The following ZAR1 variants were observed in gnomAD, a reference collection of about 807,000 sequenced individuals.
ZAR1 encodes the protein zygote arrest protein 1.
In ZAR1, 37 loss-of-function variants were observed where a neutral mutation model predicts 38.3. The ratio of observed to expected loss-of-function variants is 0.97; its 90% CI spans 0.74 to 1.27. ZAR1 has a LOEUF of 1.27. Ranked by LOEUF, ZAR1 falls within the 50% of genes most tolerant of loss-of-function variation. The pLI is 0.00. For synonymous variants in ZAR1, 336 were observed against 292.0 expected (o/e 1.15, Z -1.53); for missense variants, 651 against 632.4 (o/e 1.03, Z -0.32).
Position 48,490,470 on chromosome 4 carries a change from C to A in ZAR1, c.179C>A (p.Ser60Ter). The A allele has an allele frequency of 6.8e-7, 1 of 1,469,398 alleles. No individual in the cohort carries two copies. The highest frequency in any genetic ancestry group is 8.9e-7 in the Non-Finnish European group (1 of 1,119,490). The allele number at this position is 1,469,398 out of a possible 1,614,324, so 91.0% of individuals were successfully genotyped here. The change falls in exon 1 of 4, where the codon TCG becomes TAG. Residue 60 changes from serine to a stop codon, truncating the protein, a stop_gained. Transcript: ENST00000327939. LOFTEE classifies it high-confidence loss of function. ...ASSPCSAGAA[S>*]LSFPGCGRLT... ...TCCCCCTGCTCGGCGGGCGCGGCCT[C>A]GTTGTCCTTCCCGGGCTGCGGGCGG...
Position 48,494,136 on chromosome 4 carries a change from A to G in ZAR1, c.1167A>G (p.Lys389=), listed in dbSNP as rs1718520608. 3.7e-6 allele frequency: 6 copies of G among 1,614,072 alleles called. No individual in the cohort carries two copies. Among genetic ancestry groups the G allele is most frequent in the Non-Finnish European group, 5.1e-6 (6 of 1,179,956 alleles). Residue 389 remains lysine (K), a synonymous_variant, in exon 4 of 4, where the codon AAA becomes AAG. Coordinates refer to ENST00000327939, the MANE Select transcript of ZAR1 (RefSeq NM_175619.3). ...AAACGAGATGTTCCTGCCCAGTAAA[A>G]CTTCGCCACGTGGACCCTAAACGGC... ...CKQTRCSCPV[K]LRHVDPKRPH...
rs1268381673 is a variant in ZAR1 at position 48,492,808 on chromosome 4, A to G, written c.1006A>G (p.Asn336Asp). The G allele has an allele frequency of 1.2e-6, 2 of 1,614,112 alleles. No homozygotes were observed. The highest frequency in any genetic ancestry group is 1.7e-6 in the Non-Finnish European group (2 of 1,180,048). Residue 336 changes from asparagine to aspartate, a missense_variant, in exon 2 of 4, where the codon AAC becomes GAC. This residue lies in a region of ZAR1 where 129 missense variants were observed against 172.5 expected (regional missense o/e 0.75). Coordinates refer to ENST00000327939, the MANE Select transcript of ZAR1 (RefSeq NM_175619.3). ...TGGCTATTACCACTGCAAGGACTGC[A>G]ACATCCGCTGGGAGAGTGCTTATGT... ...KYGYYHCKDCNIRWESAYVWC... is the reference protein window; with the variant it reads ...KYGYYHCKDCDIRWESAYVWC...
In ZAR1 at chr4:48,490,882, C is replaced by A; in HGVS notation, c.591C>A (p.Pro197=). 3 of 1,411,342 alleles carry A rather than the reference C, an allele frequency of 2.1e-6. No homozygotes were observed. Among genetic ancestry groups the A allele is most frequent in the South Asian group, 1.5e-5 (1 of 67,176 alleles). The allele number at this position is 1,411,342 out of a possible 1,614,324, so 87.4% of individuals were successfully genotyped here. The stretch of plus-strand genomic sequence containing the variant: ...GTCTCACCGCCTTCCTGGAGGGGCC[C>A]GGGCCCGCGGCGGGCGAGCAGAGGT... ...LRRLTAFLEG[P]GPAAGEQRSG... The change falls in exon 1 of 4, where the codon CCC becomes CCA. Residue 197 remains proline (P), a synonymous_variant. Coordinates refer to ENST00000327939, the MANE Select transcript of ZAR1 (RefSeq NM_175619.3).
In ZAR1 at chr4:48,494,201, GC is replaced by G; in HGVS notation, c.1234del (p.Leu412CysfsTer15). The G allele has an allele frequency of 6.2e-7, 1 of 1,614,178 alleles. No homozygotes were observed. The highest frequency in any genetic ancestry group is 8.5e-7 in the Non-Finnish European group (1 of 1,180,042). On this transcript the variant is annotated frameshift_variant, in exon 4 of 4. Coordinates refer to ENST00000327939, the MANE Select transcript of ZAR1 (RefSeq NM_175619.3). LOFTEE classifies it high-confidence loss of function. ...QDLCGRCKGKRLSCDSTFSFK... is the reference protein window; with the variant it reads ...QDLCGRCKGKXLSCDSTFSFK... ...TTGTGCGGTAGATGCAAAGGCAAAC[GC>G]CTGTCCTGTGACAGCACTTTCAGCT...
chr4:48,496,249 G>A (rs1452033030), downstream of ZAR1, among the ~76,000 whole-genome samples: 1 of 152,204 alleles, frequency 6.6e-6, no homozygotes, highest in Non-Finnish European at 1.5e-5. Flanking sequence ...ACAAGAACTG[G>A]TGTGGGTAAA....
chr4:48,493,989 C>CTT, intron 3 of ZAR1, 112 bp from the exon 4 acceptor site: 1 of 1,324,234 alleles, frequency 7.6e-7, no homozygotes, highest in South Asian at 1.5e-5. Context: ...ACTATGGGAC[C>CTT]TTGCTTAGAG....
downstream of ZAR1, chr4:48,494,436 C>T (rs576012802): frequency 2.0e-5 from 14 of 713,810 alleles, no homozygotes; most frequent in South Asian, 5.9e-5. Context: ...GTTTCAAGAG[C>T]GCTTGTCTTG....
At chr4:48,491,301 T>G (rs1577772414) in intron 1 of ZAR1, 47 bp downstream of exon 1, 1 of 1,213,506 alleles carries the variant, frequency 8.2e-7, no homozygotes, top group Non-Finnish European at 1.0e-6. Flanking sequence ...GGGGTGCGGG[T>G]GTCTTCCTTG....
At chr4:48,491,338 A>T (rs1718436998) in intron 1 of ZAR1, 84 bp downstream of exon 1, 1 of 1,074,936 alleles carries the variant, frequency 9.3e-7, no homozygotes, top group Non-Finnish European at 1.2e-6. Flanking sequence ...TGCTTCGGGC[A>T]CTCGGAGGTG....
chr4:48,492,529 C>A (rs9993088), intron 1 of ZAR1, among the ~76,000 whole-genome samples: 48,845 of 152,052 alleles, frequency 0.32, 8,319 homozygotes, highest in African/African-American at 0.43. Context: ...TATTAGCCAG[C>A]CTTATGAACT....
chr4:48,491,188 G>C lies in ZAR1; in HGVS notation c.897G>C (p.Ala299=). ...GAGACGGCGGCGACGGACGGGAGGC[G>C]GCCGTCGCGGGAGAGGGGCCGTCGC... The part of the protein sequence containing the change: ...RARDGGDGRE[A]AVAGEGPSPR... Residue 299 remains alanine, a synonymous_variant, in exon 1 of 4, where the codon GCG becomes GCC. Coordinates refer to ENST00000327939, the MANE Select transcript of ZAR1 (RefSeq NM_175619.3). 1 of 1,235,070 alleles carries C rather than the reference G, an allele frequency of 8.1e-7. No homozygotes were observed. The highest frequency in any genetic ancestry group is 1.0e-6 in the Non-Finnish European group (1 of 990,074). The allele number at this position is 1,235,070 out of a possible 1,614,324, so 76.5% of individuals were successfully genotyped here.
In ZAR1 at chr4:48,490,571, C is replaced by T. The variant is rs1378645478; in HGVS notation, c.280C>T (p.Leu94Phe). Residue 94 changes from leucine to phenylalanine, a missense_variant, in exon 1 of 4, where the codon CTC (leucine) becomes TTC (phenylalanine). By Grantham distance (22) the Leu-to-Phe change is conservative (BLOSUM62 0). Transcript: ENST00000327939. ...MALLAQVGPG[L>F]GPRARRAGSC... is the part of the protein sequence containing the mutation. ...TCTCCTGGCGCAGGTGGGGCCGGGT[C>T]TCGGGCCGCGCGCCCGCAGGGCCGG... 1.6e-5 allele frequency: 22 copies of T among 1,402,854 alleles called. No homozygotes were observed. The highest frequency in any genetic ancestry group is 1.9e-5 in the Non-Finnish European group (21 of 1,089,146). The allele number at this position is 1,402,854 out of a possible 1,614,324, so 86.9% of individuals were successfully genotyped here. A position where few individuals can be genotyped will look rare whatever the true frequency, so the allele number is the denominator to read the frequency against.
At chr4:48,494,430 C>T (rs1415054273), downstream of ZAR1, 1 of 742,764 alleles carries the variant, frequency 1.3e-6, no homozygotes, top group Non-Finnish European at 2.1e-6. Context: ...AATAAAGTTT[C>T]AAGAGCGCTT....
At chr4:48,492,304 A>G (rs547744485) in intron 1 of ZAR1, among the ~76,000 whole-genome samples, 61 of 152,310 alleles carry the variant, frequency 4.0e-4, no homozygotes, top group Middle Eastern at 3.4e-3. Context: ...TGGCTTACGT[A>G]CGATTTAGGT....
Position 48,494,117 on chromosome 4 carries a change from G to T in ZAR1, c.1148G>T (p.Arg383Ile), listed in dbSNP as rs752889166. The change falls in exon 4 of 4, where the codon AGA becomes ATA. Residue 383 changes from arginine to isoleucine, a missense_variant. Arg to Ile is a moderately conservative substitution (Grantham distance 97). This residue lies in a region of ZAR1 where 129 missense variants were observed against 172.5 expected (regional missense o/e 0.75). Transcript: ENST00000327939. ...DITCQSCKQT[R>I]CSCPVKLRHV... is the part of the protein sequence containing the mutation. ...TTCCCCCAGAGTTGTAAACAAACGA[G>T]ATGTTCCTGCCCAGTAAAACTTCGC... 3 of 1,613,692 alleles carry T rather than the reference G, an allele frequency of 1.9e-6. No homozygotes were observed. The South Asian group carries it at 3.3e-5, about 18-fold the overall frequency.
At position 48,491,211 on chromosome 4, in the gene ZAR1, C is replaced by T; in HGVS notation, c.920C>T (p.Ser307Leu). The T allele has an allele frequency of 1.6e-6, 2 of 1,233,886 alleles. No homozygotes were observed. Among genetic ancestry groups the T allele is most frequent in the Non-Finnish European group, 2.0e-6 (2 of 989,138 alleles). 76.4% of individuals were successfully genotyped at this position (1,233,886 alleles called of 1,614,324 possible). The change falls in exon 1 of 4, where the codon TCG becomes TTG. Residue 307 changes from serine to leucine, a missense_variant. Ser to Leu is a moderately radical substitution (Grantham distance 145). Coordinates refer to ENST00000327939, the MANE Select transcript of ZAR1 (RefSeq NM_175619.3). ...GCGGCCGTCGCGGGAGAGGGGCCGT[C>T]GCCACGGAGCCCGGAGCTGGGCAAG... ...REAAVAGEGP[S>L]PRSPELGKER...
At chr4:48,492,701 C>A in intron 1 of ZAR1, 65 bp from the exon 2 acceptor site, 1 of 1,496,440 alleles carries the variant, frequency 6.7e-7, no homozygotes, top group South Asian at 1.2e-5. Context: ...AGATCCTTCC[C>A]AACGTCTGAA....
At chr4:48,492,631 G>T in intron 1 of ZAR1, 135 bp from the exon 2 acceptor site, 2 of 788,328 alleles carry the variant, frequency 2.5e-6, no homozygotes, top group Admixed American at 4.0e-5. Flanking sequence ...TTGAAGAGGC[G>T]TACCCAAACC....
Position 48,490,840 on chromosome 4 carries a change from G to A in ZAR1, c.549G>A (p.Ser183=). ...MRFPRTVAVY[S]PLALRRLTAF... ...TCCCGCGCACCGTCGCCGTGTACTC[G>A]CCCCTGGCCTTGCGCCGTCTCACCG... Residue 183 remains serine (S), a synonymous_variant, in exon 1 of 4, where the codon TCG becomes TCA. Transcript: ENST00000327939. 2 of 1,494,968 alleles carry A rather than the reference G, an allele frequency of 1.3e-6. No individual in the cohort carries two copies. The highest frequency in any genetic ancestry group is 1.8e-6 in the Non-Finnish European group (2 of 1,129,310). 92.6% of individuals were successfully genotyped at this position (1,494,968 alleles called of 1,614,324 possible). A position where few individuals can be genotyped will look rare whatever the true frequency, so the allele number is the denominator to read the frequency against.
Sources: allele counts gnomAD v4.1 joint callset (sites outside exome capture counted in the v4.1 genomes callset), GRCh38; gene constraint gnomAD v4.1.1; regional missense constraint gnomAD v4.1.1; transcripts MANE v1.5; gene names NCBI Gene and HGNC (gene_info 2026-07-23, HGNC 2026-07-21).